The following RORB variants were observed in gnomAD, a reference collection of about 807,000 sequenced individuals.
The protein encoded by RORB is nuclear receptor ROR-beta.
In RORB, 6 loss-of-function variants were observed where a neutral mutation model predicts 59.1. The ratio of observed to expected loss-of-function variants is 0.10; its 90% confidence interval spans 0.06 to 0.20. The LOEUF is 0.20. RORB is among the 10% of genes least tolerant of loss of function. The pLI is 1.00. For missense variants in RORB, 320 were observed against 560.5 expected, an observed-to-expected ratio of 0.57 and a Z score of 4.33; for synonymous variants, 215 against 204.5, an observed-to-expected ratio of 1.05 and a Z score of -0.44.
intron 1 of RORB, among the ~76,000 whole-genome samples, chr9:74,539,088 T>C (rs888409882): frequency 3.3e-5 from 5 of 152,118 alleles, no homozygotes; most frequent in Non-Finnish European, 7.4e-5. Context: ...AAAGCTGAAC[T>C]CAAGTTCATT....
chr9:74,578,793 A>G (rs1283225546), intron 1 of RORB, among the ~76,000 whole-genome samples: 1 of 152,052 alleles, frequency 6.6e-6, no homozygotes, highest in African/African-American at 2.4e-5. Context: ...TGGTTAACTC[A>G]CTACTGGGGT....
At chr9:74,546,153 A>C (rs1191214954) in intron 1 of RORB, among the ~76,000 whole-genome samples, 7 of 152,204 alleles carry the variant, frequency 4.6e-5, no homozygotes, top group Non-Finnish European at 1.0e-4. Flanking sequence ...GAAGATTTCA[A>C]ACTGCCATGA....
At chr9:74,553,843 C>T (rs1044804661) in intron 1 of RORB, among the ~76,000 whole-genome samples, 1 of 152,144 alleles carries the variant, frequency 6.6e-6, no homozygotes, top group Non-Finnish European at 1.5e-5. Context: ...TTTTAGTTTT[C>T]TTGACCCAGG....
intron 1 of RORB, among the ~76,000 whole-genome samples, chr9:74,502,262 T>G (rs1006709426): frequency 6.6e-6 from 1 of 152,148 alleles, no homozygotes; most frequent in Non-Finnish European, 1.5e-5. Flanking sequence ...ACAAAGTTTT[T>G]GGGTTGGTCT....
At chr9:74,525,015 A>C (rs1157962264) in intron 1 of RORB, among the ~76,000 whole-genome samples, 3 of 151,884 alleles carry the variant, frequency 2.0e-5, no homozygotes. Flanking sequence ...TTACTCATCA[A>C]ATTATATTTA....
At chr9:74,641,492 C>T (rs1052638176) in intron 3 of RORB, among the ~76,000 whole-genome samples, 1 of 152,168 alleles carries the variant, frequency 6.6e-6, no homozygotes, top group Non-Finnish European at 1.5e-5. Flanking sequence ...TTGCTATTTT[C>T]CAAAGAATCT....
chr9:74,592,344 A>G (rs1337784102), intron 1 of RORB, among the ~76,000 whole-genome samples: 1 of 152,246 alleles, frequency 6.6e-6, no homozygotes, highest in Non-Finnish European at 1.5e-5. Context: ...AGTGATTTTT[A>G]CATACATTAA....
chr9:74,535,608 A>T (rs1161016930), intron 1 of RORB, among the ~76,000 whole-genome samples: 1 of 151,998 alleles, frequency 6.6e-6, no homozygotes, highest in African/African-American at 2.4e-5. Flanking sequence ...TTGATATTTG[A>T]TATTTGCAAG....
chr9:74,511,800 A>T (rs541831622), intron 1 of RORB, among the ~76,000 whole-genome samples: 1 of 150,606 alleles, frequency 6.6e-6, no homozygotes, highest in Non-Finnish European at 1.5e-5. Flanking sequence ...ATGTTGCACA[A>T]CTGCTCTTTC....
At chr9:74,596,416 G>A (rs906768836) in intron 1 of RORB, among the ~76,000 whole-genome samples, 6 of 152,174 alleles carry the variant, frequency 3.9e-5, no homozygotes, top group Non-Finnish European at 7.4e-5. Context: ...AGAACACCTT[G>A]TGCAATCTCT....
intron 1 of RORB, among the ~76,000 whole-genome samples, chr9:74,612,133 G>A (rs529644869): frequency 6.6e-6 from 1 of 152,282 alleles, no homozygotes; most frequent in South Asian, 2.1e-4. Context: ...ATTACTGTGG[G>A]TAAATGGTCA....
At chr9:74,630,164 A>C in intron 1 of RORB, 118 bp from the exon 2 acceptor site, 1 of 1,370,606 alleles carries the variant, frequency 7.3e-7, no homozygotes, top group Non-Finnish European at 9.7e-7. Flanking sequence ...ACCACCGCTC[A>C]CACCCCAGTA....
At chr9:74,588,412 G>A (rs1480788419) in intron 1 of RORB, among the ~76,000 whole-genome samples, 1 of 152,084 alleles carries the variant, frequency 6.6e-6, no homozygotes, top group Non-Finnish European at 1.5e-5. Context: ...GACAAAGTCA[G>A]GTCAATGAAT....
At chr9:74,599,510 C>T (rs1268688889) in intron 1 of RORB, among the ~76,000 whole-genome samples, 1 of 152,170 alleles carries the variant, frequency 6.6e-6, no homozygotes, top group East Asian at 1.9e-4. Flanking sequence ...AGCACTCAAT[C>T]CCAGAGAATC....
chr9:74,523,990 G>A (rs1240744789), intron 1 of RORB, among the ~76,000 whole-genome samples: 1 of 136,410 alleles, frequency 7.3e-6, no homozygotes, highest in East Asian at 2.3e-4. Flanking sequence ...TTTATTCACT[G>A]AATCAACGAC....
intron 1 of RORB, among the ~76,000 whole-genome samples, chr9:74,594,700 C>G (rs1426347515): frequency 6.6e-6 from 1 of 152,058 alleles, no homozygotes; most frequent in East Asian, 1.9e-4. Context: ...ACATCTCTGG[C>G]TGCAGTCTAT....
At chr9:74,563,401 G>A (rs1003541463) in intron 1 of RORB, among the ~76,000 whole-genome samples, 1 of 152,060 alleles carries the variant, frequency 6.6e-6, no homozygotes, top group African/African-American at 2.4e-5. Context: ...GGCCAGGCTA[G>A]TCTCAAACTC....
In RORB at chr9:74,497,689, C is replaced by G. The variant is rs898776259; in HGVS notation, c.-288C>G. ...AAGAAAAACAAAACCAAAACAAAAC[C>G]CAGGCACCAGACAGCCAGAACATTT... On this transcript the variant is annotated 5_prime_UTR_variant, in exon 1 of 10. Coordinates refer to ENST00000376896, the MANE Select transcript of RORB (RefSeq NM_006914.4). The G allele has an allele frequency of 2.6e-5, 13 of 491,544 alleles. No homozygotes were observed. Among genetic ancestry groups the G allele is most frequent in the African/African-American group, 3.8e-5 (2 of 52,058 alleles). The allele number at this position is 491,544 out of a possible 1,614,324, so 30.4% of individuals were successfully genotyped here.
intron 1 of RORB, among the ~76,000 whole-genome samples, chr9:74,505,072 A>G (rs955451229): frequency 1.3e-5 from 2 of 152,162 alleles, no homozygotes; most frequent in African/African-American, 4.8e-5. Context: ...AAAAAGAAAC[A>G]GCAAGAGCTT....
Sources: allele counts gnomAD v4.1 joint callset (sites outside exome capture counted in the v4.1 genomes callset), GRCh38; gene constraint gnomAD v4.1.1; transcripts MANE v1.5; gene names NCBI Gene and HGNC (gene_info 2026-07-23, HGNC 2026-07-21).